Variants in POU2F1 observed in about 807,000 individuals in gnomAD.
POU2F1 encodes the protein POU class 2 homeobox 1.
In POU2F1, 16 loss-of-function variants were observed where a neutral mutation model predicts 84.9. That is an observed-to-expected ratio of 0.19 (90% CI 0.13 to 0.29). The LOEUF is 0.29. Ranked by LOEUF, POU2F1 falls within the 10% of genes least tolerant of loss-of-function variation. The pLI, the probability that POU2F1 is intolerant of heterozygous loss-of-function variation, is 1.00. For missense variants in POU2F1, 738 were observed against 942.6 expected (o/e 0.78, Z 2.84); for synonymous variants, 368 against 368.3 (o/e 1.00, Z 0.01).
At chr1:167,344,485 A>G (rs551805421) in intron 2 of POU2F1, among the ~76,000 whole-genome samples, 2 of 152,320 alleles carry the variant, frequency 1.3e-5, no homozygotes, top group South Asian at 4.1e-4. Flanking sequence ...TGGAAGCTCT[A>G]TATGGGGCTA....
In POU2F1 at chr1:167,220,902, C is replaced by T. The variant is rs865862543; in HGVS notation, c.5C>T (p.Ala2Val). The change falls in exon 1 of 16, where the codon GCG becomes GTG. Residue 2 changes from alanine (A) to valine (V), a missense_variant. Transcript: ENST00000367866. The part of the protein sequence containing the change: M[A>V]DGGAASQDES... Reference sequence around the variant, plus strand: ...ATTTTGGTTAAAATATTCAAAATGGCGGACGGAGGAGCAGCGAGTCAAGAT... The same window carrying T: ...ATTTTGGTTAAAATATTCAAAATGGTGGACGGAGGAGCAGCGAGTCAAGAT... The T allele has an allele frequency of 1.3e-6, 2 of 1,534,890 alleles. No homozygotes were observed. The highest frequency in any genetic ancestry group is 1.7e-6 in the Non-Finnish European group (2 of 1,146,654).
At chr1:167,267,977 C>T (rs1007672923) in intron 1 of POU2F1, among the ~76,000 whole-genome samples, 1 of 151,972 alleles carries the variant, frequency 6.6e-6, no homozygotes, top group Non-Finnish European at 1.5e-5. Context: ...CTTTGAAATA[C>T]CAGTGTGGTA....
chr1:167,290,138 C>T (rs1429324994), intron 1 of POU2F1, among the ~76,000 whole-genome samples: 1 of 152,084 alleles, frequency 6.6e-6, no homozygotes, highest in Non-Finnish European at 1.5e-5. Context: ...TGCCTGTAAT[C>T]CCAGCAGTTT....
chr1:167,275,959 G>A (rs1652700700), intron 1 of POU2F1, among the ~76,000 whole-genome samples: 1 of 152,194 alleles, frequency 6.6e-6, no homozygotes, highest in African/African-American at 2.4e-5. Context: ...ATGGTGGTTT[G>A]TGCCACATTA....
At chr1:167,326,156 C>T (rs1438577031) in intron 1 of POU2F1, among the ~76,000 whole-genome samples, 1 of 152,140 alleles carries the variant, frequency 6.6e-6, no homozygotes, top group African/African-American at 2.4e-5. Flanking sequence ...TTATTGGCCT[C>T]TTCTCTAGTA....
At chr1:167,221,393 G>A (rs1352625132) in intron 1 of POU2F1, among the ~76,000 whole-genome samples, 1 of 149,954 alleles carries the variant, frequency 6.7e-6, no homozygotes, top group Non-Finnish European at 1.5e-5. Context: ...GGCCGGCGGG[G>A]CGCAGTAGGG....
At chr1:167,273,943 AG>A (rs1374214174) in intron 1 of POU2F1, among the ~76,000 whole-genome samples, 17 of 152,226 alleles carry the variant, frequency 1.1e-4, no homozygotes, top group Admixed American at 1.1e-3. Flanking sequence ...TGAATAATTG[AG>A]CCTGAACCAG....
Position 167,376,155 on chromosome 1 carries a change from G to A in POU2F1, c.718G>A (p.Gly240Ser). The change falls in exon 7 of 16, where the codon GGT becomes AGT. Residue 240 changes from glycine to serine, a missense_variant and splice_region_variant. Physicochemically the swap from Gly to Ser is moderately conservative, Grantham distance 56. Around this residue, in one of 4 missense-constraint regions of POU2F1, gnomAD observed 163 missense variants for 214.4 expected, o/e 0.76. Coordinates refer to ENST00000367866, the MANE Select transcript of POU2F1 (RefSeq NM_002697.4). ...IISQTPQGQQ[G>S]LLQAQNLLTQ... ...CTCACAGACGCCCCAGGGCCAGCAG[G>A]GTGAGCTCCTCCTTAGAGCTTATTA... is the stretch of plus-strand genomic sequence containing the variant. The A allele has an allele frequency of 6.2e-7, 1 of 1,614,102 alleles. No individual in the cohort carries two copies. Among genetic ancestry groups the A allele is most frequent in the East Asian group, 2.2e-5 (1 of 44,880 alleles).
chr1:167,404,800 G>C (rs2101926326), intron 13 of POU2F1, among the ~76,000 whole-genome samples: 1 of 152,178 alleles, frequency 6.6e-6, no homozygotes, highest in Middle Eastern at 3.4e-3. Context: ...TGCCCTTCTG[G>C]ATTATGGTTG....
At chr1:167,266,170 GGACCTGCAGGTTT>G (rs1288663856) in intron 1 of POU2F1, among the ~76,000 whole-genome samples, 1 of 152,198 alleles carries the variant, frequency 6.6e-6, no homozygotes, top group Non-Finnish European at 1.5e-5. Context: ...TACATGTGCA[GGACCTGCAGGTTT>G]GTTACATAGA....
chr1:167,373,533 T>G (rs967210160), intron 5 of POU2F1, among the ~76,000 whole-genome samples: 1 of 152,170 alleles, frequency 6.6e-6, no homozygotes, highest in African/African-American at 2.4e-5. Context: ...GGAAAGGAGA[T>G]GTAAAGTTGC....
chr1:167,391,027 TTAA>T (rs1177307632), intron 9 of POU2F1, among the ~76,000 whole-genome samples: 5 of 152,184 alleles, frequency 3.3e-5, no homozygotes, highest in African/African-American at 1.2e-4. Context: ...ATTTAATGGT[TTAA>T]ACAGTTGTCT....
chr1:167,321,662 A>C (rs1217886362), intron 1 of POU2F1, among the ~76,000 whole-genome samples: 1 of 152,214 alleles, frequency 6.6e-6, no homozygotes, highest in Non-Finnish European at 1.5e-5. Context: ...AAATTGGCTT[A>C]TCTGTTAACC....
chr1:167,331,665 A>C (rs894841333), intron 1 of POU2F1, among the ~76,000 whole-genome samples: 3 of 152,064 alleles, frequency 2.0e-5, no homozygotes, highest in African/African-American at 7.2e-5. Flanking sequence ...TCTTCTCTTA[A>C]TGTATTTTCT....
At chr1:167,317,513 A>T (rs1047817292) in intron 1 of POU2F1, among the ~76,000 whole-genome samples, 1 of 152,226 alleles carries the variant, frequency 6.6e-6, no homozygotes, top group African/African-American at 2.4e-5. Flanking sequence ...TTACCCACAT[A>T]TTTATTGACA....
chr1:167,294,208 G>A (rs972032524), intron 1 of POU2F1, among the ~76,000 whole-genome samples: 1 of 149,644 alleles, frequency 6.7e-6, no homozygotes, highest in East Asian at 1.9e-4. Flanking sequence ...AATTAGCCAG[G>A]TGTGGTGGCG....
chr1:167,227,652 C>G (rs1648738062), intron 1 of POU2F1, among the ~76,000 whole-genome samples: 2 of 152,120 alleles, frequency 1.3e-5, no homozygotes, highest in Non-Finnish European at 2.9e-5. Flanking sequence ...CCATCCTAGT[C>G]TATAAAAGGT....
intron 1 of POU2F1, among the ~76,000 whole-genome samples, chr1:167,292,682 A>G (rs1439473994): frequency 6.6e-6 from 1 of 151,806 alleles, no homozygotes; most frequent in Non-Finnish European, 1.5e-5. Flanking sequence ...ACTACAAGAA[A>G]TAATAAATAA....
chr1:167,328,138 A>G (rs1656830835), intron 1 of POU2F1, among the ~76,000 whole-genome samples: 3 of 152,248 alleles, frequency 2.0e-5, no homozygotes, highest in Admixed American at 6.5e-5. Context: ...CACAATTTAC[A>G]TGGCCCACCC....
Sources: allele counts gnomAD v4.1 joint callset (sites outside exome capture counted in the v4.1 genomes callset), GRCh38; gene constraint gnomAD v4.1.1; regional missense constraint gnomAD v4.1.1; transcripts MANE v1.5; gene names NCBI Gene and HGNC (gene_info 2026-07-23, HGNC 2026-07-21).